UBE2H: variants seen among roughly 807,000 people sequenced by gnomAD.
UBE2H encodes ubiquitin-conjugating enzyme E2 H.
In UBE2H, 3 loss-of-function variants were observed where a neutral mutation model predicts 29.0. That is an observed-to-expected ratio of 0.10 (90% CI 0.05 to 0.27). The LOEUF (loss-of-function observed/expected upper bound fraction) is 0.27, where lower values mean the gene tolerates loss of function less well. Among genes scored for constraint, UBE2H ranks in the 10% least tolerant of loss-of-function variants. The probability of loss-of-function intolerance (pLI) is 1.00; values close to 1 mark genes in which losing one functional copy is unlikely to be tolerated. For synonymous variants in UBE2H, 69 were observed against 82.9 expected (o/e 0.83, Z 0.91); for missense variants, 68 against 228.2 (o/e 0.30, Z 4.52).
intron 1 of UBE2H, among the ~76,000 whole-genome samples, chr7:129,934,955 G>A (rs536510434): frequency 6.6e-6 from 1 of 150,438 alleles, no homozygotes; most frequent in African/African-American, 2.4e-5. Context: ...ATGTGTGTGT[G>A]TGTATATATA....
intron 5 of UBE2H, among the ~76,000 whole-genome samples, chr7:129,844,560 A>C (rs1446555409): frequency 6.6e-6 from 1 of 152,198 alleles, no homozygotes; most frequent in Non-Finnish European, 1.5e-5. Flanking sequence ...ATTAACCTTC[A>C]ATTTTTTTAA....
At chr7:129,867,728 A>G (rs1563027593) in intron 3 of UBE2H, among the ~76,000 whole-genome samples, 1 of 129,136 alleles carries the variant, frequency 7.7e-6, no homozygotes, top group Non-Finnish European at 1.7e-5. Context: ...GAAAACCAAA[A>G]AAAAAAAAAA....
At chr7:129,896,626 A>G (rs1479251609) in intron 1 of UBE2H, among the ~76,000 whole-genome samples, 1 of 152,062 alleles carries the variant, frequency 6.6e-6, no homozygotes, top group Non-Finnish European at 1.5e-5. Flanking sequence ...ACTAGTCTCA[A>G]TCTACTGGTC....
chr7:129,895,290 T>C (rs1009339762), intron 1 of UBE2H, among the ~76,000 whole-genome samples: 13 of 152,112 alleles, frequency 8.5e-5, no homozygotes, highest in African/African-American at 2.2e-4. Flanking sequence ...GCGGAAGACC[T>C]AGACCTGCAA....
At chr7:129,901,463 C>T (rs1421159366) in intron 1 of UBE2H, among the ~76,000 whole-genome samples, 1 of 152,132 alleles carries the variant, frequency 6.6e-6, no homozygotes, top group African/African-American at 2.4e-5. Context: ...GGGGCTAATG[C>T]ACAGACAGGT....
chr7:129,861,406 C>T (rs1413524177), intron 3 of UBE2H, among the ~76,000 whole-genome samples: 1 of 152,154 alleles, frequency 6.6e-6, no homozygotes, highest in Non-Finnish European at 1.5e-5. Flanking sequence ...TTTCAAATCT[C>T]ATCACCACCT....
rs1174862392 is a variant in UBE2H, at chr7:129,831,846, T to C, written c.*3091A>G. The C allele has an allele frequency of 6.6e-6, 1 of 152,170 alleles. No homozygotes were observed. The highest frequency in any genetic ancestry group is 6.5e-5 in the Admixed American group (1 of 15,276). The allele number at this position is 152,170 out of a possible 1,614,324, so 9.4% of individuals were successfully genotyped here. On this transcript the variant is annotated 3_prime_UTR_variant, in exon 7 of 7. Transcript: ENST00000355621. ...AGGTTGCAACCATCTTGCTTGTTGG[T>C]GTTTGGCAAGAGCTTGAGCTCAGTT...
intron 5 of UBE2H, among the ~76,000 whole-genome samples, chr7:129,851,443 C>A (rs1343452390): frequency 1.3e-5 from 2 of 152,156 alleles, no homozygotes; most frequent in Non-Finnish European, 2.9e-5. Context: ...CTTGTAATTA[C>A]TAGACAATAA....
intron 5 of UBE2H, among the ~76,000 whole-genome samples, chr7:129,850,888 GGAGA>G (rs959680908): frequency 2.0e-5 from 3 of 151,046 alleles, no homozygotes; most frequent in African/African-American, 2.4e-5. Context: ...GAGAGAGAAA[GGAGA>G]GAGAGAGAAA....
chr7:129,939,734 T>C (rs993958504), intron 1 of UBE2H, among the ~76,000 whole-genome samples: 2 of 151,974 alleles, frequency 1.3e-5, no homozygotes, highest in Admixed American at 1.3e-4. Context: ...CCAAAGCAGG[T>C]GGATCACGAG....
rs1805294265 is a variant in UBE2H, at chr7:129,834,918, A to G, written c.*19T>C. On this transcript the variant is annotated 3_prime_UTR_variant, in exon 7 of 7. Coordinates refer to ENST00000355621, the MANE Select transcript of UBE2H (RefSeq NM_003344.4). ...GGTTAGGAAATAATAGTCTTTCTGA[A>G]AAGCAGGTGCTTTTTCTACTACAAC... 1.2e-6 allele frequency: 2 copies of G among 1,611,998 alleles called. No individual in the cohort carries two copies. Among genetic ancestry groups the G allele is most frequent in the South Asian group, 2.2e-5 (2 of 90,930 alleles).
intron 1 of UBE2H, among the ~76,000 whole-genome samples, chr7:129,892,047 G>A (rs1806504806): frequency 6.7e-6 from 1 of 149,008 alleles, no homozygotes; most frequent in Admixed American, 6.8e-5. Context: ...CCGCCTCCCA[G>A]GTTCACGCCA....
intron 1 of UBE2H, among the ~76,000 whole-genome samples, chr7:129,896,113 G>T (rs1002098040): frequency 1.3e-5 from 2 of 151,958 alleles, no homozygotes; most frequent in African/African-American, 4.8e-5. Context: ...AAGGCAGGTA[G>T]ATCATCTGAG....
In UBE2H at chr7:129,897,443, A is replaced by G. The variant is rs574171941; in HGVS notation, c.54-16472T>C. On this transcript the variant is annotated intron_variant, in intron 1 of 6. Coordinates refer to ENST00000355621, the MANE Select transcript of UBE2H (RefSeq NM_003344.4). ...CTACTTCAAGTTCATTAGGCATAGC[A>G]GGTGTCAAATATTAAGTGGCACTAA... 2.6e-5 allele frequency among the ~76,000 whole-genome samples: 4 copies of G among 152,324 alleles called. No homozygotes were observed. In the South Asian group the frequency reaches 8.3e-4, roughly 32 times the overall value.
intron 5 of UBE2H, among the ~76,000 whole-genome samples, chr7:129,853,138 G>A (rs1016360134): frequency 6.6e-6 from 1 of 152,208 alleles, no homozygotes; most frequent in Non-Finnish European, 1.5e-5. Context: ...GTCCAGAAGG[G>A]TGGGATGAGA....
chr7:129,870,649 C>T (rs369148232), intron 3 of UBE2H, among the ~76,000 whole-genome samples: 1 of 152,148 alleles, frequency 6.6e-6, no homozygotes, highest in East Asian at 1.9e-4. Flanking sequence ...CCAGCATCTC[C>T]GGCTACAAAA....
chr7:129,924,616 TCACACACACACACACACA>T (rs147228151), intron 1 of UBE2H, among the ~76,000 whole-genome samples: 1 of 143,924 alleles, frequency 6.9e-6, no homozygotes, highest in Non-Finnish European at 1.5e-5. Context: ...CCTTTTACAT[TCACACACACACACACACA>T]CACACACACA....
chr7:129,892,307 G>A (rs916820625), intron 1 of UBE2H, among the ~76,000 whole-genome samples: 2 of 150,906 alleles, frequency 1.3e-5, no homozygotes, highest in Admixed American at 6.6e-5. Context: ...GCTGGTGTGC[G>A]GTAGCACAAT....
chr7:129,867,699 T>TAAAAAAAAAAAAAAAAAGAAAAAA (rs1805933823), intron 3 of UBE2H, among the ~76,000 whole-genome samples: 2 of 29,642 alleles, frequency 6.7e-5, no homozygotes, highest in African/African-American at 1.5e-4. Flanking sequence ...TAGAGTATAA[T>TAAAAAAAAAAAAAAAAAGAAAAAA]AAAAAAAAAA....
Sources: gnomAD v4.1 joint callset for allele counts (sites outside exome capture counted in the v4.1 genomes callset) on GRCh38, gnomAD v4.1.1 for gene constraint, MANE v1.5 for transcripts, NCBI Gene and HGNC (gene_info 2026-07-23, HGNC 2026-07-21) for gene names.